The following ANK2 variants were observed in gnomAD, a reference collection of about 807,000 sequenced individuals.
ANK2 encodes ankyrin-2.
Under a neutral mutation model 360.5 loss-of-function variants are expected in ANK2, and 83 were observed. The ratio of observed to expected loss-of-function variants is 0.23; its 90% confidence interval spans 0.19 to 0.28. The LOEUF (loss-of-function observed/expected upper bound fraction) is 0.28, where lower values mean the gene tolerates loss of function less well. Ranked by LOEUF, ANK2 falls within the 10% of genes least tolerant of loss-of-function variation. The pLI is 1.00. For missense variants in ANK2, 4,201 were observed against 4,795.7 expected (o/e 0.88, Z 3.66); for synonymous variants, 1,740 against 1,759.5 (o/e 0.99, Z 0.28).
At chr4:113,046,712 C>T (rs200231578), upstream of ANK2, among the ~76,000 whole-genome samples, 1 of 152,118 alleles carries the variant, frequency 6.6e-6, no homozygotes, top group East Asian at 1.9e-4. Flanking sequence ...TACCTCGTCT[C>T]AGGTATTTTG....
intron 1 of ANK2, chr4:113,151,224 T>C (rs771785291): frequency 1.3e-5 from 12 of 958,776 alleles, no homozygotes; most frequent in Non-Finnish European, 1.7e-5. Context: ...GTACCCTTAC[T>C]GCAATTGCAC....
At chr4:113,301,378 TACAC>T (rs59844602) in intron 22 of ANK2, among the ~76,000 whole-genome samples, 1,747 of 149,554 alleles carry the variant, frequency 0.012, 30 homozygotes, top group African/African-American at 0.031. Context: ...GATGTTTTGA[TACAC>T]ACACACACAC....
intron 2 of ANK2, among the ~76,000 whole-genome samples, chr4:112,951,604 T>C (rs944053668): frequency 6.6e-6 from 1 of 152,162 alleles, no homozygotes; most frequent in African/African-American, 2.4e-5. Flanking sequence ...TTCGAGATTA[T>C]GGTTTATTTT....
chr4:113,208,314 TG>T (rs2098978340), intron 4 of ANK2, among the ~76,000 whole-genome samples: 1 of 151,862 alleles, frequency 6.6e-6, no homozygotes, highest in Non-Finnish European at 1.5e-5. Flanking sequence ...AGTAGTGGTC[TG>T]GATGATGGAG....
At chr4:112,975,007 A>G (rs1284162127) in intron 2 of ANK2, among the ~76,000 whole-genome samples, 1 of 152,220 alleles carries the variant, frequency 6.6e-6, no homozygotes, top group Non-Finnish European at 1.5e-5. Context: ...CAAGATAACA[A>G]AGTAAAACAT....
chr4:113,010,695 C>T (rs1578961242), intron 2 of ANK2, among the ~76,000 whole-genome samples: 2 of 152,064 alleles, frequency 1.3e-5, no homozygotes, highest in South Asian at 2.1e-4. Flanking sequence ...AGATGGGAAC[C>T]AATTCAGGAG....
chr4:112,759,796 T>C, the ANK2 span, among the ~76,000 whole-genome samples: 1 of 152,168 alleles, frequency 6.6e-6, no homozygotes, highest in Non-Finnish European at 1.5e-5. Flanking sequence ...TGCTTCTACG[T>C]TCATATATAT....
At chr4:113,163,633 G>A (rs1421865407) in intron 1 of ANK2, among the ~76,000 whole-genome samples, 1 of 151,440 alleles carries the variant, frequency 6.6e-6, no homozygotes, top group Non-Finnish European at 1.5e-5. Context: ...GCATGGTGGT[G>A]CATGCCTGTA....
In ANK2 at chr4:113,356,092, G is replaced by T; in HGVS notation, c.7474G>T (p.Ala2492Ser). 1 of 1,614,108 alleles carries T rather than the reference G, an allele frequency of 6.2e-7. No individual in the cohort carries two copies. Among genetic ancestry groups the T allele is most frequent in the Non-Finnish European group, 8.5e-7 (1 of 1,179,998 alleles). Reference sequence around the variant, plus strand: ...TCCAAGTCACTTTCCTCTTCCTGCAGCTGTTGCCAAAACAGAACTCTTGAC... The same window carrying T: ...TCCAAGTCACTTTCCTCTTCCTGCATCTGTTGCCAAAACAGAACTCTTGAC... Reference protein sequence around the residue: ...IFPSHFPLPAAVAKTELLTEV... With the variant: ...IFPSHFPLPASVAKTELLTEV... The change falls in exon 38 of 46, where the codon GCT becomes TCT. Residue 2492 changes from alanine (A) to serine (S), a missense_variant. By Grantham distance (99) the Ala-to-Ser change is moderately conservative. Around this residue, in one of 4 missense-constraint regions of ANK2, gnomAD observed 2,642 missense variants for 2,714.5 expected, o/e 0.97. Transcript: ENST00000357077.
chr4:113,011,023 T>A (rs1398440741), intron 2 of ANK2, among the ~76,000 whole-genome samples: 1 of 152,068 alleles, frequency 6.6e-6, no homozygotes, highest in African/African-American at 2.4e-5. Flanking sequence ...CAGATTAGGT[T>A]TTGGTGTCAA....
chr4:112,920,502 G>A (rs759014031), intron 2 of ANK2, among the ~76,000 whole-genome samples: 15 of 152,100 alleles, frequency 9.9e-5, no homozygotes, highest in Non-Finnish European at 1.9e-4. Context: ...GAGACAAAAT[G>A]TGTTTTATTT....
intron 1 of ANK2, among the ~76,000 whole-genome samples, chr4:112,841,027 A>T (rs2061979706): frequency 6.6e-6 from 1 of 152,202 alleles, no homozygotes; most frequent in South Asian, 2.1e-4. Flanking sequence ...ACACTTCTGG[A>T]AGTCCTGACA....
chr4:113,147,617 T>C (rs1454225352), intron 1 of ANK2, among the ~76,000 whole-genome samples: 1 of 152,190 alleles, frequency 6.6e-6, no homozygotes, highest in Admixed American at 6.6e-5. Flanking sequence ...ACTTTGGCCA[T>C]GGAGAAAAAG....
At chr4:113,159,150 G>A (rs403618) in intron 1 of ANK2, among the ~76,000 whole-genome samples, 122,934 of 150,592 alleles carry the variant, frequency 0.82, 50,190 homozygotes, top group African/African-American at 0.85. Context: ...TGTTCTGGAA[G>A]TAGCATATAT....
intron 2 of ANK2, among the ~76,000 whole-genome samples, chr4:113,038,496 C>G (rs1402692713): frequency 6.6e-6 from 1 of 151,884 alleles, no homozygotes; most frequent in Non-Finnish European, 1.5e-5. Flanking sequence ...TGTCTGCTTT[C>G]TCTCTCTCTG....
rs2153698634 is a variant in ANK2, at chr4:113,277,895, T to A, written c.1742T>A (p.Leu581His). The A allele has an allele frequency of 6.2e-7, 1 of 1,614,134 alleles. No individual in the cohort carries two copies. Among genetic ancestry groups the A allele is most frequent in the Non-Finnish European group, 8.5e-7 (1 of 1,179,962 alleles). The change falls in exon 16 of 46, where the codon CTT becomes CAT. Residue 581 changes from leucine (L) to histidine (H), a missense_variant. By Grantham distance (99) the Leu-to-His change is moderately conservative. Coordinates refer to ENST00000357077, the MANE Select transcript of ANK2 (RefSeq NM_001148.6). The stretch of plus-strand genomic sequence containing the variant: ...TATGGAAGCCTGGATGTGGCAAAAC[T>A]TCTCTTGCAACGCCGTGCTGCCGCA... Reference protein sequence around the residue: ...AKYGSLDVAKLLLQRRAAADS... With the variant: ...AKYGSLDVAKHLLQRRAAADS...
intron 2 of ANK2, among the ~76,000 whole-genome samples, chr4:113,194,906 G>C (rs1448625210): frequency 6.6e-6 from 1 of 152,050 alleles, no homozygotes; most frequent in Non-Finnish European, 1.5e-5. Flanking sequence ...AAAATTGAGA[G>C]ATATTTAAAT....
intron 2 of ANK2, among the ~76,000 whole-genome samples, chr4:112,937,221 C>T (rs2093817818): frequency 1.3e-5 from 2 of 152,174 alleles, no homozygotes; most frequent in Non-Finnish European, 2.9e-5. Context: ...ACAAAAATCT[C>T]ACCTTCCATG....
chr4:112,770,539 C>T, the ANK2 span, among the ~76,000 whole-genome samples: 8 of 152,108 alleles, frequency 5.3e-5, no homozygotes, highest in Admixed American at 1.3e-4. Flanking sequence ...AATCCTGTCT[C>T]TACTAAAAAT....
Sources: allele counts gnomAD v4.1 joint callset (sites outside exome capture counted in the v4.1 genomes callset), GRCh38; gene constraint gnomAD v4.1.1; regional missense constraint gnomAD v4.1.1; transcripts MANE v1.5; gene names NCBI Gene and HGNC (gene_info 2026-07-23, HGNC 2026-07-21).